Variants in LRRC56 observed in about 807,000 individuals in gnomAD.
LRRC56 encodes leucine rich repeat containing 56.
LRRC56 carries 41 observed loss-of-function variants against 47.8 expected under a neutral mutation model. The ratio of observed to expected loss-of-function variants is 0.86; its 90% CI spans 0.67 to 1.11. The LOEUF (loss-of-function observed/expected upper bound fraction) is 1.11, where lower values mean the gene tolerates loss of function less well. Ranked by LOEUF, LRRC56 falls within the 50% of genes most tolerant of loss-of-function variation. The probability of loss-of-function intolerance (pLI) is 0.00; values close to 1 mark genes in which losing one functional copy is unlikely to be tolerated. For missense variants in LRRC56, 759 were observed against 704.2 expected (o/e 1.08, Z -0.88); for synonymous variants, 387 against 311.2 (o/e 1.24, Z -2.56).
chr11:533,394 C>G (rs2133985615), upstream of LRRC56: 1 of 1,524,048 alleles, frequency 6.6e-7, no homozygotes, highest in Non-Finnish European at 9.1e-7. Flanking sequence ...GTGCTGCTCC[C>G]TGGCTGGGGC....
At chr11:519,088 T>TCCTTCC in the LRRC56 span, among the ~76,000 whole-genome samples, 1 of 150,798 alleles carries the variant, frequency 6.6e-6, no homozygotes, top group Non-Finnish European at 1.5e-5. Flanking sequence ...GCCAAAAACC[T>TCCTTCC]GCTGTCTGGC....
chr11:535,589 C>A (rs1316211720), upstream of LRRC56: 1 of 150,508 alleles, frequency 6.6e-6, no homozygotes. Flanking sequence ...GCACGCCCCG[C>A]CCCGCGCCCG....
At chr11:526,610 G>A in the LRRC56 span, among the ~76,000 whole-genome samples, 5 of 152,202 alleles carry the variant, frequency 3.3e-5, no homozygotes, top group African/African-American at 1.2e-4. Context: ...TTCTTTAGCA[G>A]GTGAACAACC....
upstream of LRRC56, chr11:534,445 G>A (rs540613361): frequency 2.1e-4 from 161 of 775,144 alleles, no homozygotes; most frequent in Admixed American, 4.3e-4. Flanking sequence ...CTGCTGGCAG[G>A]GCCATCTGAA....
chr11:528,581 T>C, the LRRC56 span: 1 of 152,062 alleles, frequency 6.6e-6, no homozygotes, highest in African/African-American at 2.4e-5. Flanking sequence ...GCCAACCCCC[T>C]CCCCGCGTCT....
At chr11:522,133 T>A in the LRRC56 span, among the ~76,000 whole-genome samples, 11 of 152,090 alleles carry the variant, frequency 7.2e-5, no homozygotes, top group Admixed American at 2.6e-4. Flanking sequence ...CAGGCTGGAG[T>A]GCAGTGGTAC....
At chr11:526,075 C>T in the LRRC56 span, among the ~76,000 whole-genome samples, 2 of 150,470 alleles carry the variant, frequency 1.3e-5, no homozygotes. Flanking sequence ...GGCGTGGTGG[C>T]AGGTGCCTGT....
chr11:509,854 C>T, the LRRC56 span, among the ~76,000 whole-genome samples: 1 of 151,262 alleles, frequency 6.6e-6, no homozygotes, highest in Non-Finnish European at 1.5e-5. Context: ...TATTTTTGAA[C>T]TTACCTGCCT....
chr11:527,447 C>T, the LRRC56 span, among the ~76,000 whole-genome samples: 15 of 152,350 alleles, frequency 9.8e-5, no homozygotes, highest in East Asian at 2.5e-3. Flanking sequence ...CCCCTGCCCA[C>T]GGCCACCCTA....
chr11:518,688 G>A, the LRRC56 span, among the ~76,000 whole-genome samples: 21 of 152,106 alleles, frequency 1.4e-4, no homozygotes, highest in African/African-American at 4.8e-4. Flanking sequence ...AGGCACGCAC[G>A]AGCCGACACC....
chr11:532,183 G>A, the LRRC56 span: 6 of 308,946 alleles, frequency 1.9e-5, no homozygotes, highest in East Asian at 5.3e-5. Context: ...CTGAGGTTCC[G>A]ACATACCTCA....
the LRRC56 span, among the ~76,000 whole-genome samples, chr11:510,925 T>C: frequency 6.6e-6 from 1 of 150,410 alleles, no homozygotes; most frequent in African/African-American, 2.4e-5. Context: ...ATAAATAATA[T>C]GTTTGTCTGA....
the LRRC56 span, chr11:532,293 C>G: frequency 2.1e-6 from 1 of 477,546 alleles, no homozygotes; most frequent in Non-Finnish European, 3.9e-6. Context: ...GACAAGGGCC[C>G]ACAGAGGCCT....
intron 3 of LRRC56, 107 bp from the exon 4 acceptor site, chr11:540,567 C>T: frequency 1.1e-6 from 1 of 917,206 alleles, no homozygotes; most frequent in Non-Finnish European, 1.6e-6. Context: ...GTGCCAAGGG[C>T]TTGCTGTGAC....
At chr11:549,857 C>T (rs375864860) in intron 6 of LRRC56, 45 bp from the exon 7 acceptor site, 14 of 1,554,452 alleles carry the variant, frequency 9.0e-6, no homozygotes, top group Non-Finnish European at 1.2e-5. Context: ...GGTGGCTGAG[C>T]ACAGGGCTGG....
chr11:541,635 T>C lies in LRRC56; in HGVS notation c.265+11T>C, dbSNP rs755363127. ...GCCTGGGGAACTTTGGTGAGCCTCT[T>C]CCCACCCCGCCATGGCCACGGCCAC... On this transcript the variant is annotated intron_variant, in intron 5 of 13. Coordinates refer to ENST00000270115, the MANE Select transcript of LRRC56 (RefSeq NM_198075.4). This position sits in a 1 kb window ranked among gnomAD's most constrained non-coding sequence, Gnocchi z 4.1. 1 of 1,539,210 alleles carries C rather than the reference T, an allele frequency of 6.5e-7. No homozygotes were observed.
chr11:547,377 A>G (rs995718197), intron 6 of LRRC56, among the ~76,000 whole-genome samples: 12 of 151,672 alleles, frequency 7.9e-5, no homozygotes, highest in African/African-American at 2.7e-4. Context: ...GTTTTGAGAC[A>G]GAGTCTCACT....
intron 13 of LRRC56, among the ~76,000 whole-genome samples, chr11:552,931 T>G (rs995817462): frequency 6.6e-6 from 1 of 152,188 alleles, no homozygotes; most frequent in Non-Finnish European, 1.5e-5. Flanking sequence ...TGTGACCTTG[T>G]GTGCCACCCG....
intron 6 of LRRC56, among the ~76,000 whole-genome samples, chr11:547,969 T>C (rs1852175383): frequency 6.6e-6 from 1 of 151,686 alleles, no homozygotes; most frequent in Non-Finnish European, 1.5e-5. Flanking sequence ...CTACTAAAAA[T>C]ACAAAAATTA....
Sources: allele counts gnomAD v4.1 joint callset (sites outside exome capture counted in the v4.1 genomes callset), GRCh38; gene constraint gnomAD v4.1.1; non-coding constraint Gnocchi (gnomAD v3.1); transcripts MANE v1.5; gene names NCBI Gene and HGNC (gene_info 2026-07-23, HGNC 2026-07-21).